Variants in TAFA5 observed in about 807,000 individuals in gnomAD.
TAFA5 encodes the protein chemokine-like protein TAFA-5.
A neutral mutation model predicts 15.3 loss-of-function variants in TAFA5; 6 were observed. The ratio of observed to expected loss-of-function variants is 0.39; its 90% confidence interval spans 0.21 to 0.77. The LOEUF (loss-of-function observed/expected upper bound fraction) is 0.77, where lower values mean the gene tolerates loss of function less well. TAFA5 is among the 30% of genes least tolerant of loss of function. The pLI, the probability that TAFA5 is intolerant of heterozygous loss-of-function variation, is 0.41. For synonymous variants in TAFA5, 103 were observed against 80.7 expected (o/e 1.28, Z -1.48); for missense variants, 161 against 193.1 (o/e 0.83, Z 0.98).
At chr22:48,717,534 C>T (rs1004736164) in intron 3 of TAFA5, among the ~76,000 whole-genome samples, 3 of 152,320 alleles carry the variant, frequency 2.0e-5, no homozygotes, top group Middle Eastern at 3.4e-3. Flanking sequence ...AGGGAAAAAA[C>T]GAAGATTTTT....
intron 1 of TAFA5, among the ~76,000 whole-genome samples, chr22:48,564,013 C>T (rs758486849): frequency 6.6e-6 from 1 of 152,184 alleles, no homozygotes; most frequent in Non-Finnish European, 1.5e-5. Context: ...GGTTCCTCAG[C>T]GTGGGGTCCC....
intron 2 of TAFA5, chr22:48,693,263 G>T: frequency 4.5e-6 from 7 of 1,562,096 alleles, no homozygotes; most frequent in Non-Finnish European, 6.1e-6. Flanking sequence ...AAAATGCTCA[G>T]ACCTTTTCAT....
At chr22:48,589,022 T>C (rs752679319) in intron 1 of TAFA5, among the ~76,000 whole-genome samples, 12 of 152,230 alleles carry the variant, frequency 7.9e-5, no homozygotes, top group Non-Finnish European at 1.3e-4. Flanking sequence ...GCTTCACCGA[T>C]AGAAGAATGC....
At chr22:48,707,873 G>T in intron 3 of TAFA5, 29 bp downstream of exon 3, 1 of 1,605,432 alleles carries the variant, frequency 6.2e-7, no homozygotes. Flanking sequence ...TCTCGTGGGT[G>T]TGCTGGGGAG....
chr22:48,729,317 ATATT>A (rs1242607440), intron 3 of TAFA5, among the ~76,000 whole-genome samples: 2 of 86,712 alleles, frequency 2.3e-5, no homozygotes, highest in African/African-American at 6.9e-5. Context: ...TAAATATATA[ATATT>A]TTTATATTTA....
At chr22:48,634,619 A>G (rs966544570) in intron 1 of TAFA5, among the ~76,000 whole-genome samples, 5 of 151,966 alleles carry the variant, frequency 3.3e-5, no homozygotes, top group Non-Finnish European at 2.9e-5. Context: ...TCACCCACTC[A>G]TTGACACACT....
At chr22:48,662,277 G>A (rs981635745) in intron 2 of TAFA5, among the ~76,000 whole-genome samples, 2 of 152,118 alleles carry the variant, frequency 1.3e-5, no homozygotes, top group African/African-American at 4.8e-5. Context: ...CCCTGGGCAG[G>A]GGCTCTGCAG....
chr22:48,574,111 C>T (rs1292592271), intron 1 of TAFA5, among the ~76,000 whole-genome samples: 2 of 152,100 alleles, frequency 1.3e-5, no homozygotes, highest in Admixed American at 1.3e-4. Context: ...GAGCAGGAAA[C>T]AGTGGGGTGC....
At chr22:48,737,599 G>T (rs940835071) in intron 3 of TAFA5, among the ~76,000 whole-genome samples, 7 of 152,232 alleles carry the variant, frequency 4.6e-5, no homozygotes, top group African/African-American at 1.7e-4. Context: ...CTTCAGAGCT[G>T]CACCATGGCA....
At chr22:48,499,109 G>A (rs1052335990) in intron 1 of TAFA5, among the ~76,000 whole-genome samples, 1 of 152,200 alleles carries the variant, frequency 6.6e-6, no homozygotes, top group African/African-American at 2.4e-5. Flanking sequence ...CGGGAGGGAG[G>A]TGTCTCTGCA....
At chr22:48,553,228 TG>T (rs1445787414) in intron 1 of TAFA5, among the ~76,000 whole-genome samples, 1 of 152,090 alleles carries the variant, frequency 6.6e-6, no homozygotes, top group Non-Finnish European at 1.5e-5. Flanking sequence ...CCCCCCGCTC[TG>T]TGCCCCTCCT....
intron 1 of TAFA5, among the ~76,000 whole-genome samples, chr22:48,622,355 A>G (rs1386788266): frequency 6.6e-6 from 1 of 152,188 alleles, no homozygotes; most frequent in Non-Finnish European, 1.5e-5. Context: ...GCACCTGCCT[A>G]TGTTGCAGAA....
intron 2 of TAFA5, among the ~76,000 whole-genome samples, chr22:48,683,559 C>T (rs1204286830): frequency 4.6e-5 from 7 of 152,326 alleles, no homozygotes; most frequent in East Asian, 1.9e-4. Context: ...GGCCACAGAC[C>T]GTGCACTCGC....
chr22:48,737,887 G>A (rs575406448), intron 3 of TAFA5, among the ~76,000 whole-genome samples: 5 of 152,126 alleles, frequency 3.3e-5, no homozygotes, highest in African/African-American at 1.2e-4. Flanking sequence ...GCTGGACCGA[G>A]CGTGAGATGC....
chr22:48,684,243 G>A (rs966219909), intron 2 of TAFA5, among the ~76,000 whole-genome samples: 3 of 152,102 alleles, frequency 2.0e-5, no homozygotes, highest in Admixed American at 6.5e-5. Context: ...TCTCCTGTGG[G>A]ATCAGGGGTT....
chr22:48,745,161 G>A lies in TAFA5; in HGVS notation c.391-4678G>A, dbSNP rs535710532. Among the ~76,000 whole-genome samples the A allele has an allele frequency of 5.3e-5, 8 of 152,378 alleles. No homozygotes were observed. In the East Asian group the frequency reaches 7.7e-4, roughly 15 times the overall value. On this transcript the variant is annotated intron_variant, in intron 3 of 3. Coordinates refer to ENST00000402357, the MANE Select transcript of TAFA5 (RefSeq NM_001082967.3). Reference sequence around the variant, plus strand: ...TACCCAGTCCTGGCTCTTTGGTGGAGCAGGCTCATTGCACAGGGCACAGCT... The same window carrying A: ...TACCCAGTCCTGGCTCTTTGGTGGAACAGGCTCATTGCACAGGGCACAGCT...
chr22:48,648,622 C>G (rs975852055), intron 2 of TAFA5, among the ~76,000 whole-genome samples: 2 of 152,108 alleles, frequency 1.3e-5, no homozygotes, highest in Non-Finnish European at 2.9e-5. Flanking sequence ...AGGTGGATCA[C>G]GAGGTCAGGA....
rs574061865 is a variant in TAFA5, at chr22:48,639,195, C to T, written c.113-7402C>T. Among the ~76,000 whole-genome samples the T allele has an allele frequency of 3.3e-5, 5 of 152,120 alleles. No homozygotes were observed. The East Asian group carries it at 5.8e-4, about 18-fold the overall frequency. Reference sequence around the variant, plus strand: ...ACGGGAACTCTGGGCGGCCCCACGGCGCCTCCTTTTCTCCCCGTTGGGGAC... The same window carrying T: ...ACGGGAACTCTGGGCGGCCCCACGGTGCCTCCTTTTCTCCCCGTTGGGGAC... On this transcript the variant is annotated intron_variant, in intron 1 of 3. Coordinates refer to ENST00000402357, the MANE Select transcript of TAFA5 (RefSeq NM_001082967.3).
At chr22:48,635,331 T>C (rs574069190) in intron 1 of TAFA5, among the ~76,000 whole-genome samples, 21 of 151,686 alleles carry the variant, frequency 1.4e-4, no homozygotes, top group African/African-American at 4.8e-4. Flanking sequence ...AGGCAGCCCC[T>C]GAGGCTGGTA....
Sources: gnomAD v4.1 joint callset for allele counts (sites outside exome capture counted in the v4.1 genomes callset) on GRCh38, gnomAD v4.1.1 for gene constraint, MANE v1.5 for transcripts, NCBI Gene and HGNC (gene_info 2026-07-23, HGNC 2026-07-21) for gene names.